Variants in SRRM4 observed in about 807,000 individuals in gnomAD.
SRRM4 encodes serine/arginine repetitive matrix protein 4.
In SRRM4, 33 loss-of-function variants were observed where a neutral mutation model predicts 68.9. The ratio of observed to expected loss-of-function variants is 0.48; its 90% CI spans 0.36 to 0.64. The LOEUF is 0.64. SRRM4 is among the 30% of genes least tolerant of loss of function. The probability of loss-of-function intolerance (pLI) is 0.00; values close to 1 mark genes in which losing one functional copy is unlikely to be tolerated. For missense variants in SRRM4, 817 were observed against 827.1 expected (o/e 0.99, Z 0.15); for synonymous variants, 318 against 318.8 (o/e 1.00, Z 0.03).
intron 1 of SRRM4, among the ~76,000 whole-genome samples, chr12:119,048,884 A>T (rs543958010): frequency 6.6e-6 from 1 of 152,226 alleles, no homozygotes; most frequent in Non-Finnish European, 1.5e-5. Flanking sequence ...AGATCACACC[A>T]CTGTGCTCCA....
At chr12:119,036,984 C>T (rs1447170472) in intron 1 of SRRM4, 3 of 152,170 alleles carry the variant, frequency 2.0e-5, no homozygotes, top group African/African-American at 4.8e-5. Context: ...AAAGAGGACA[C>T]ACAAAGAAAT....
intron 3 of SRRM4, among the ~76,000 whole-genome samples, chr12:119,116,187 G>A (rs991140326): frequency 2.6e-5 from 4 of 152,290 alleles, no homozygotes; most frequent in East Asian, 1.9e-4. Context: ...TGTCAGCGGG[G>A]AAATAAGAGA....
At chr12:119,138,138 T>A (rs1249736271) in intron 8 of SRRM4, among the ~76,000 whole-genome samples, 3 of 152,120 alleles carry the variant, frequency 2.0e-5, no homozygotes, top group African/African-American at 7.2e-5. Context: ...TCTCAGCTGA[T>A]TCTTGCCAGG....
At chr12:119,106,218 A>G (rs1283306095) in intron 2 of SRRM4, among the ~76,000 whole-genome samples, 1 of 152,234 alleles carries the variant, frequency 6.6e-6, no homozygotes, top group Middle Eastern at 3.4e-3. Flanking sequence ...GTAGCCTTGT[A>G]GTATAGTTTG....
At chr12:119,142,242 G>T (rs1954369836) in intron 8 of SRRM4, among the ~76,000 whole-genome samples, 1 of 152,208 alleles carries the variant, frequency 6.6e-6, no homozygotes, top group African/African-American at 2.4e-5. Context: ...TGCAGGAGAG[G>T]TTGGTATTTT....
At chr12:119,079,301 G>T (rs1953934005) in intron 1 of SRRM4, among the ~76,000 whole-genome samples, 1 of 152,168 alleles carries the variant, frequency 6.6e-6, no homozygotes, top group African/African-American at 2.4e-5. Context: ...CCACAGTCGG[G>T]AGTCTGAACT....
At chr12:119,036,304 A>C (rs551683393) in intron 1 of SRRM4, among the ~76,000 whole-genome samples, 12 of 152,168 alleles carry the variant, frequency 7.9e-5, no homozygotes, top group Admixed American at 7.9e-4. Flanking sequence ...ATTTGATCTC[A>C]ATGTCTTTGA....
chr12:119,143,016 C>T (rs1954375676), intron 8 of SRRM4, among the ~76,000 whole-genome samples: 1 of 152,220 alleles, frequency 6.6e-6, no homozygotes, highest in Non-Finnish European at 1.5e-5. Flanking sequence ...TTTGAGGTCC[C>T]TTCTCCCAAA....
At chr12:119,089,501 C>T (rs921987997) in intron 1 of SRRM4, among the ~76,000 whole-genome samples, 3 of 152,280 alleles carry the variant, frequency 2.0e-5, no homozygotes, top group South Asian at 4.2e-4. Context: ...TTGCATAAAG[C>T]CAGACATCTC....
intron 7 of SRRM4, among the ~76,000 whole-genome samples, chr12:119,130,297 T>C (rs1330536871): frequency 1.3e-5 from 2 of 151,528 alleles, no homozygotes; most frequent in Non-Finnish European, 2.9e-5. Context: ...GACAGATGGA[T>C]GGATGGATGG....
chr12:119,087,600 G>A (rs998667638), intron 1 of SRRM4, among the ~76,000 whole-genome samples: 2 of 152,144 alleles, frequency 1.3e-5, no homozygotes, highest in African/African-American at 2.4e-5. Context: ...TTTAGCTGTC[G>A]GAGGAAGCTG....
At chr12:119,017,686 G>A (rs533804799) in intron 1 of SRRM4, among the ~76,000 whole-genome samples, 37 of 152,282 alleles carry the variant, frequency 2.4e-4, no homozygotes, top group African/African-American at 6.7e-4. Flanking sequence ...GGGGGCAGTC[G>A]AGAGTGAAGG....
chr12:118,992,666 A>G (rs1014437539), intron 1 of SRRM4, among the ~76,000 whole-genome samples: 6 of 152,110 alleles, frequency 3.9e-5, no homozygotes, highest in African/African-American at 1.4e-4. Flanking sequence ...GCACCTTTCA[A>G]TGGTCAGTTC....
rs1954508122 is a variant in SRRM4, at chr12:119,160,741, CAGAG to C, written c.*3944_*3947del. The C allele has an allele frequency of 6.6e-6, 1 of 152,194 alleles. No homozygotes were observed. The highest frequency in any genetic ancestry group is 2.4e-5 in the African/African-American group (1 of 41,432). 9.4% of individuals were successfully genotyped at this position (152,194 alleles called of 1,614,324 possible). ...TGAGGCCTGAGAGTGTCACCAAAGA[CAGAG>C]GGAGCTTCACTGAGACTCAGAGGGA... On this transcript the variant is annotated 3_prime_UTR_variant, in exon 13 of 13. Transcript: ENST00000267260.
At chr12:119,153,392 T>C (rs1470430288) in intron 10 of SRRM4, 147 bp from the exon 11 acceptor site, 1 of 603,924 alleles carries the variant, frequency 1.7e-6, no homozygotes, top group Admixed American at 3.0e-5. Context: ...GGGGCTTTCA[T>C]TCTTTGATCG....
At chr12:119,052,527 T>C (rs1166709177) in intron 1 of SRRM4, among the ~76,000 whole-genome samples, 1 of 151,994 alleles carries the variant, frequency 6.6e-6, no homozygotes, top group Non-Finnish European at 1.5e-5. Flanking sequence ...GTTGTTTTGT[T>C]TGTTTATTTA....
At chr12:119,129,743 G>T (rs963699751) in intron 7 of SRRM4, among the ~76,000 whole-genome samples, 2 of 152,220 alleles carry the variant, frequency 1.3e-5, no homozygotes, top group African/African-American at 2.4e-5. Flanking sequence ...GTAAGAGAAT[G>T]AATAAATAAA....
At chr12:119,054,603 G>A (rs1953765540) in intron 1 of SRRM4, among the ~76,000 whole-genome samples, 1 of 149,786 alleles carries the variant, frequency 6.7e-6, no homozygotes, top group Non-Finnish European at 1.5e-5. Flanking sequence ...TTAGTTAGGA[G>A]TCCTTTATAT....
At chr12:119,115,533 T>G (rs1954174098) in intron 3 of SRRM4, among the ~76,000 whole-genome samples, 1 of 152,164 alleles carries the variant, frequency 6.6e-6, no homozygotes, top group Admixed American at 6.5e-5. Context: ...ACTCCAGGTT[T>G]TCTGGAACCT....
Sources: allele counts gnomAD v4.1 joint callset (sites outside exome capture counted in the v4.1 genomes callset), GRCh38; gene constraint gnomAD v4.1.1; transcripts MANE v1.5; gene names NCBI Gene and HGNC (gene_info 2026-07-23, HGNC 2026-07-21).